The following GORASP2 variants were observed in gnomAD, a reference collection of about 807,000 sequenced individuals.
GORASP2 encodes the protein golgi reassembly stacking protein 2.
A neutral mutation model predicts 45.7 loss-of-function variants in GORASP2; 22 were observed. The ratio of observed to expected loss-of-function variants is 0.48; its 90% CI spans 0.34 to 0.69. The LOEUF (loss-of-function observed/expected upper bound fraction) is 0.69. Ranked by LOEUF, GORASP2 falls within the 30% of genes least tolerant of loss-of-function variation. The pLI, the probability that GORASP2 is intolerant of heterozygous loss-of-function variation, is 0.01. For synonymous variants in GORASP2, 221 were observed against 215.6 expected (o/e 1.02, Z -0.22); for missense variants, 491 against 562.7 (o/e 0.87, Z 1.29).
At chr2:170,964,892 A>ATTTTTTTTTTTTTT (rs1199571345) in intron 9 of GORASP2, among the ~76,000 whole-genome samples, 1 of 64,702 alleles carries the variant, frequency 1.5e-5, no homozygotes. Context: ...ATGCATTTTA[A>ATTTTTTTTTTTTTT]TTTTTTTTTT....
chr2:170,962,718 C>T, intron 8 of GORASP2, 121 bp from the exon 9 acceptor site: 1 of 678,332 alleles, frequency 1.5e-6, no homozygotes, highest in Non-Finnish European at 2.7e-6. Context: ...AGCTGCCACA[C>T]ATTAGGTGGA....
chr2:170,933,095 TTG>T (rs1468276453), intron 1 of GORASP2, among the ~76,000 whole-genome samples: 1 of 152,230 alleles, frequency 6.6e-6, no homozygotes, highest in Non-Finnish European at 1.5e-5. Flanking sequence ...CATTAAATAC[TTG>T]TATAGTCACC....
Position 170,966,604 on chromosome 2 carries a change from G to A in GORASP2, c.*474G>A, listed in dbSNP as rs533522056. On this transcript the variant is annotated 3_prime_UTR_variant, in exon 10 of 10. Coordinates refer to ENST00000234160, the MANE Select transcript of GORASP2 (RefSeq NM_015530.5). ...AAAGAGATTTTTACTTTTGGTCTCC[G>A]TGAGTCGCATCTCTACTAAGGTTTA... The A allele has an allele frequency of 1.0e-4, 19 of 188,590 alleles. No individual in the cohort carries two copies. The highest frequency in any genetic ancestry group is 3.2e-4 in the Admixed American group (6 of 18,608). The allele number at this position is 188,590 out of a possible 1,614,324, so 11.7% of individuals were successfully genotyped here. A position where few individuals can be genotyped will look rare whatever the true frequency, so the allele number is the denominator to read the frequency against.
In GORASP2 at chr2:170,965,935, G is replaced by C. The variant is rs374647579; in HGVS notation, c.1164G>C (p.Pro388=). Residue 388 remains proline (P), a synonymous_variant, in exon 10 of 10, where the codon CCG becomes CCC. Transcript: ENST00000234160. ...ASSGELLSSL[P]PTSNAPSDPA... ...CAGGAGAGCTGCTGTCTTCCCTCCCGCCCACCAGCAACGCACCCTCCGACC... is the reference window on the plus strand; with the variant it reads ...CAGGAGAGCTGCTGTCTTCCCTCCCCCCCACCAGCAACGCACCCTCCGACC... 6.2e-7 allele frequency: 1 copy of C among 1,613,298 alleles called. No individual in the cohort carries two copies. The highest frequency in any genetic ancestry group is 1.3e-5 in the African/African-American group (1 of 74,882).
At chr2:170,961,806 ATC>A in intron 8 of GORASP2, 57 bp downstream of exon 8, 1 of 890,192 alleles carries the variant, frequency 1.1e-6, no homozygotes, top group Non-Finnish European at 1.9e-6. Context: ...TGATATTTGC[ATC>A]TTAAAAACAA....
chr2:170,959,158 C>T (rs1285069050), intron 7 of GORASP2, among the ~76,000 whole-genome samples: 22 of 141,862 alleles, frequency 1.6e-4, no homozygotes, highest in East Asian at 8.7e-4. Context: ...GACGGGGTTT[C>T]ACCATGTTGG....
At chr2:170,944,418 GAAA>G (rs1251242681) in intron 1 of GORASP2, among the ~76,000 whole-genome samples, 1 of 152,114 alleles carries the variant, frequency 6.6e-6, no homozygotes, top group African/African-American at 2.4e-5. Flanking sequence ...ATAAATTTAG[GAAA>G]GAAGTTAATT....
chr2:170,953,598 A>G (rs1704352654), intron 5 of GORASP2, among the ~76,000 whole-genome samples: 1 of 152,194 alleles, frequency 6.6e-6, no homozygotes, highest in Non-Finnish European at 1.5e-5. Context: ...AGGACTTCCG[A>G]TATATTTTGA....
intron 5 of GORASP2, 141 bp downstream of exon 5, chr2:170,951,599 G>C (rs1575475678): frequency 1.5e-6 from 1 of 672,726 alleles, no homozygotes; most frequent in East Asian, 3.0e-5. Context: ...AGCTAGTCTA[G>C]AATATTGAAA....
chr2:170,936,652 G>A (rs1052598414), intron 1 of GORASP2: 7 of 1,299,906 alleles, frequency 5.4e-6, no homozygotes, highest in Non-Finnish European at 7.1e-6. Flanking sequence ...CAAGCACATT[G>A]TCAGAAATAA....
At chr2:170,963,786 G>A (rs1363153896) in intron 9 of GORASP2, among the ~76,000 whole-genome samples, 1 of 151,972 alleles carries the variant, frequency 6.6e-6, no homozygotes, top group East Asian at 1.9e-4. Flanking sequence ...GGGACTACAT[G>A]CACATACCAC....
chr2:170,944,351 T>G (rs1704139214), intron 1 of GORASP2, among the ~76,000 whole-genome samples: 1 of 152,204 alleles, frequency 6.6e-6, no homozygotes, highest in South Asian at 2.1e-4. Context: ...CTCTGCTGAC[T>G]TCCTAGCAGT....
chr2:170,947,461 T>A (rs1250844371), intron 1 of GORASP2, among the ~76,000 whole-genome samples: 1 of 152,230 alleles, frequency 6.6e-6, no homozygotes, highest in East Asian at 1.9e-4. Flanking sequence ...CTTATCACTT[T>A]TTATGTCTGA....
At chr2:170,956,413 G>GTTTTTTT in intron 6 of GORASP2, 23 bp from the exon 7 acceptor site, 1 of 1,523,670 alleles carries the variant, frequency 6.6e-7, no homozygotes, top group Non-Finnish European at 8.9e-7. Context: ...TAATCTTTGT[G>GTTTTTTT]TTTTTTTTTC....
intron 2 of GORASP2, 86 bp downstream of exon 2, chr2:170,948,516 A>T: frequency 1.4e-6 from 1 of 702,076 alleles, no homozygotes. Context: ...ATGGGTATTT[A>T]TTAGTTACAA....
In GORASP2 at chr2:170,950,212, A is replaced by T; in HGVS notation, c.357A>T (p.Glu119Asp). 2 of 1,543,438 alleles carry T rather than the reference A, an allele frequency of 1.3e-6. No homozygotes were observed. Among genetic ancestry groups the T allele is most frequent in the Non-Finnish European group, 1.8e-6 (2 of 1,124,394 alleles). ...NENVWHVLEV[E>D]SNSPAALAGL... ...TGTTTATGTCATTCTAGGAGGTGGAATCAAATTCTCCTGCAGCACTGGCAG... is the reference window on the plus strand; with the variant it reads ...TGTTTATGTCATTCTAGGAGGTGGATTCAAATTCTCCTGCAGCACTGGCAG... Residue 119 changes from glutamate to aspartate, a missense_variant, in exon 4 of 10, where the codon GAA becomes GAT. Glu to Asp is a conservative substitution (Grantham distance 45). Transcript: ENST00000234160.
rs994856759 is a variant in GORASP2, at chr2:170,953,162, C to T, written c.567-1488C>T. On this transcript the variant is annotated intron_variant, in intron 5 of 9. Coordinates refer to ENST00000234160, the MANE Select transcript of GORASP2 (RefSeq NM_015530.5). ...CTTGAACTCAGGAGTTCAGTACCAG[C>T]CTGGGCAACCTGAAGAACCGTTGTC... Among the ~76,000 whole-genome samples, 7 of 152,120 alleles carry T rather than the reference C, an allele frequency of 4.6e-5. No individual in the cohort carries two copies. In the East Asian group the frequency reaches 1.4e-3, roughly 29 times the overall value.
rs1171947961 is a variant in GORASP2 at position 170,966,858 on chromosome 2, TGTA to T, written c.*732_*734del. On this transcript the variant is annotated 3_prime_UTR_variant, in exon 10 of 10. Transcript: ENST00000234160. ...CAGAAGGTGGCACTCTGTGGCTCCTTGTAGTATTATAGCTATACTGGGAAAGCA... is the reference window on the plus strand; with the variant it reads ...CAGAAGGTGGCACTCTGTGGCTCCTTGTATTATAGCTATACTGGGAAAGCA... 6.5e-6 allele frequency: 1 copy of T among 152,680 alleles called. No individual in the cohort carries two copies. Among genetic ancestry groups the T allele is most frequent in the Non-Finnish European group, 1.5e-5 (1 of 68,210 alleles). The allele number at this position is 152,680 out of a possible 1,614,324, so 9.5% of individuals were successfully genotyped here. A position where few individuals can be genotyped will look rare whatever the true frequency, so the allele number is the denominator to read the frequency against.
chr2:170,964,876 C>T, intron 9 of GORASP2, among the ~76,000 whole-genome samples: 1 of 145,292 alleles, frequency 6.9e-6, no homozygotes. Context: ...TTCTCCTTTC[C>T]TTCATATGCA....
Sources: allele counts gnomAD v4.1 joint callset (sites outside exome capture counted in the v4.1 genomes callset), GRCh38; gene constraint gnomAD v4.1.1; transcripts MANE v1.5; gene names NCBI Gene and HGNC (gene_info 2026-07-23, HGNC 2026-07-21).